COPB2: variants seen among roughly 807,000 people sequenced by gnomAD.
The protein encoded by COPB2 is coatomer subunit beta'.
Under a neutral mutation model 120.8 loss-of-function variants are expected in COPB2, and 16 were observed. That is an observed-to-expected ratio of 0.13 (90% CI 0.09 to 0.20). The LOEUF (loss-of-function observed/expected upper bound fraction) is 0.20, where lower values mean the gene tolerates loss of function less well. Ranked by LOEUF, COPB2 falls within the 10% of genes least tolerant of loss-of-function variation. COPB2 has a pLI of 1.00. For missense variants in COPB2, 794 were observed against 1,076.5 expected (o/e 0.74, Z 3.67); for synonymous variants, 332 against 366.3 (o/e 0.91, Z 1.07).
chr3:139,388,402 T>C (rs1164034187), intron 1 of COPB2: 3 of 129,546 alleles, frequency 2.3e-5, no homozygotes, highest in African/African-American at 8.1e-5. Flanking sequence ...GGTCCATGGA[T>C]TGTGGGGGGG....
In COPB2 at chr3:139,362,494, T is replaced by C. The variant is rs764014600; in HGVS notation, c.1908A>G (p.Thr636=). The change falls in exon 16 of 22, where the codon ACA becomes ACG. Residue 636 remains threonine (T), a synonymous_variant. Transcript: ENST00000333188. The part of the protein sequence containing the change: ...EKQGFKQQAL[T]VSTDPEHRFE... ...AACGATGCTCAGGATCTGTGGATAC[T>C]GTAAGAGCTTGCTGCTTGAAGCCCT... is the stretch of plus-strand genomic sequence containing the variant. 1.1e-5 allele frequency: 17 copies of C among 1,608,368 alleles called. No individual in the cohort carries two copies. The highest frequency in any genetic ancestry group is 1.4e-5 in the Non-Finnish European group (16 of 1,177,790).
chr3:139,373,952 C>A, intron 7 of COPB2, 144 bp from the exon 8 acceptor site: 1 of 842,104 alleles, frequency 1.2e-6, no homozygotes, highest in Non-Finnish European at 1.8e-6. Flanking sequence ...GACCTACTGT[C>A]TTTAAATGAT....
rs771723550 is a variant in COPB2, at chr3:139,369,241, A to G, written c.1401+20T>C. On this transcript the variant is annotated intron_variant, in intron 12 of 21. Transcript: ENST00000333188. ...CACAAAAATAAATATTCCAAAAACA[A>G]CAATGGAGGGGAAACTCACATGTTT... The G allele has an allele frequency of 3.8e-5, 61 of 1,586,484 alleles. No individual in the cohort carries two copies. The highest frequency in any genetic ancestry group is 5.3e-5 in the Admixed American group (3 of 57,138).
At position 139,358,999 on chromosome 3, in the gene COPB2, G is replaced by A. The variant is rs771858891; in HGVS notation, c.2483C>T (p.Thr828Met). The A allele has an allele frequency of 1.2e-5, 19 of 1,610,946 alleles. No homozygotes were observed. The highest frequency in any genetic ancestry group is 3.3e-5 in the South Asian group (3 of 90,564). Residue 828 changes from threonine (T) to methionine (M), a missense_variant and splice_region_variant, in exon 19 of 22, where the codon ACG (threonine) becomes ATG (methionine). Thr to Met is a moderately conservative substitution (Grantham distance 81, BLOSUM62 -1). Coordinates refer to ENST00000333188, the MANE Select transcript of COPB2 (RefSeq NM_004766.3). ...LWPAKQYPLV[T>M]PNEERNVMEE... ...AAGCTTGACATCCTGGCCACTCACC[G>A]TGACAAGTGGGTATTGTTTGGCTGG... is the stretch of plus-strand genomic sequence containing the variant.
intron 5 of COPB2, among the ~76,000 whole-genome samples, 156 bp downstream of exon 5, chr3:139,377,885 G>A (rs1206722862): frequency 1.3e-5 from 2 of 152,220 alleles, no homozygotes; most frequent in African/African-American, 2.4e-5. Flanking sequence ...AGAACATGTC[G>A]TTTGGATTAA....
rs540190067 is a variant in COPB2 at position 139,374,587 on chromosome 3, T to C, written c.653A>G (p.Asn218Ser). Residue 218 changes from asparagine to serine, a missense_variant and splice_region_variant, in exon 7 of 22, where the codon AAT (asparagine) becomes AGT (serine). Physicochemically the swap from Asn to Ser is conservative, Grantham distance 46. This residue lies in a region of COPB2 where 610 missense variants were observed against 866.7 expected (regional missense o/e 0.70). Transcript: ENST00000333188. Reference protein sequence around the residue: ...DRLVKIWDYQNKTCVQTLEGH... With the variant: ...DRLVKIWDYQSKTCVQTLEGH... ...TTCCAGTGTCTGCACACATGTTTTA[T>C]TCTGTAATTAAGACATAGAAAACAT... 1.2e-6 allele frequency: 2 copies of C among 1,611,760 alleles called. No homozygotes were observed. The highest frequency in any genetic ancestry group is 1.3e-5 in the African/African-American group (1 of 74,982).
Position 139,366,622 on chromosome 3 carries a change from A to C in COPB2, c.1830T>G (p.Leu610=), listed in dbSNP as rs771573984. The C allele has an allele frequency of 1.2e-6, 2 of 1,613,962 alleles. No homozygotes were observed. The highest frequency in any genetic ancestry group is 8.5e-7 in the Non-Finnish European group (1 of 1,179,978). ...TCCTCTGTTCTTTTGGAATGGTAGG[A>C]AGGACCTTATCAGCCATGCTAAAGT... ...RRDFSMADKV[L]PTIPKEQRTR... The change falls in exon 15 of 22, where the codon CTT becomes CTG. Residue 610 remains leucine, a synonymous_variant. Transcript: ENST00000333188.
intron 1 of COPB2, chr3:139,385,489 C>G (rs1197216921): frequency 1.3e-5 from 2 of 151,984 alleles, no homozygotes; most frequent in Non-Finnish European, 2.9e-5. Flanking sequence ...TTTATCTTGT[C>G]AAAAATACTA....
intron 17 of COPB2, 93 bp from the exon 18 acceptor site, chr3:139,359,455 A>C: frequency 2.7e-6 from 3 of 1,111,324 alleles, no homozygotes; most frequent in Non-Finnish European, 4.0e-6. Flanking sequence ...ACAAAGCCAA[A>C]AATCTCCCCA....
intron 1 of COPB2, among the ~76,000 whole-genome samples, chr3:139,383,844 T>G (rs1037721433): frequency 6.6e-6 from 1 of 152,184 alleles, no homozygotes; most frequent in Admixed American, 6.5e-5. Context: ...TAAAATAACA[T>G]GTTTTTATGA....
intron 6 of COPB2, 87 bp downstream of exon 6, chr3:139,375,381 T>C: frequency 7.2e-7 from 1 of 1,382,770 alleles, no homozygotes; most frequent in Admixed American, 2.2e-5. Flanking sequence ...CTGTGAACAG[T>C]TTTCAACAAC....
Position 139,369,283 on chromosome 3 carries a change from C to T in COPB2, c.1379G>A (p.Arg460Lys). The T allele has an allele frequency of 6.2e-7, 1 of 1,607,950 alleles. No individual in the cohort carries two copies. The highest frequency in any genetic ancestry group is 8.5e-7 in the Non-Finnish European group (1 of 1,177,124). The change falls in exon 12 of 22, where the codon AGA becomes AAA. Residue 460 changes from arginine (R) to lysine (K), a missense_variant. This residue lies in a region of COPB2 where 610 missense variants were observed against 866.7 expected (regional missense o/e 0.70). Transcript: ENST00000333188. ...CACATGTTTGGGCTGAATTTCAATT[C>T]TTCGTATGAGTTCTGTATTGTCCCA... ...YDWDNTELIRRIEIQPKHIFW... is the reference protein window; with the variant it reads ...YDWDNTELIRKIEIQPKHIFW...
At chr3:139,385,970 T>C (rs1941911880) in intron 1 of COPB2, among the ~76,000 whole-genome samples, 1 of 152,338 alleles carries the variant, frequency 6.6e-6, no homozygotes. Context: ...ATGATGATCA[T>C]GAATGGGACA....
intron 12 of COPB2, 65 bp from the exon 13 acceptor site, chr3:139,368,353 T>C (rs1461756725): frequency 6.7e-7 from 1 of 1,487,670 alleles, no homozygotes; most frequent in East Asian, 2.4e-5. Flanking sequence ...AAACTGCACA[T>C]ACTTGGTTTC....
chr3:139,370,804 G>A (rs1172810408), intron 10 of COPB2, among the ~76,000 whole-genome samples: 5 of 152,194 alleles, frequency 3.3e-5, no homozygotes. Flanking sequence ...TGTGCTGAGA[G>A]AAGGCAATTC....
In COPB2 at chr3:139,357,573, A is replaced by G. The variant is rs1941312966; in HGVS notation, c.*290T>C. The G allele has an allele frequency of 7.9e-6, 2 of 252,134 alleles. No homozygotes were observed. Among genetic ancestry groups the G allele is most frequent in the African/African-American group, 2.2e-5 (1 of 45,208 alleles). The allele number at this position is 252,134 out of a possible 1,614,324, so 15.6% of individuals were successfully genotyped here. Reference sequence around the variant, plus strand: ...AGAAGCCTATTTTCATTATTGAGAAAGGAAACAAGTACCTTCATTAATTCA... The same window carrying G: ...AGAAGCCTATTTTCATTATTGAGAAGGGAAACAAGTACCTTCATTAATTCA... On this transcript the variant is annotated 3_prime_UTR_variant, in exon 22 of 22. Coordinates refer to ENST00000333188, the MANE Select transcript of COPB2 (RefSeq NM_004766.3).
intron 2 of COPB2, chr3:139,379,930 A>G (rs1210717369): frequency 6.5e-6 from 1 of 155,034 alleles, no homozygotes; most frequent in African/African-American, 2.4e-5. Flanking sequence ...AGGATAGAAC[A>G]GTGGCTGGCA....
At chr3:139,371,956 C>A in intron 9 of COPB2, 123 bp from the exon 10 acceptor site, 2 of 661,232 alleles carry the variant, frequency 3.0e-6, no homozygotes, top group East Asian at 2.9e-5. Context: ...TTCATTATTA[C>A]AATTTAACAT....
At chr3:139,363,331 T>C (rs556867722) in intron 15 of COPB2, among the ~76,000 whole-genome samples, 2 of 152,204 alleles carry the variant, frequency 1.3e-5, no homozygotes, top group African/African-American at 2.4e-5. Flanking sequence ...ACTCCGCCTG[T>C]AACGGCATTA....
Sources: allele counts gnomAD v4.1 joint callset (sites outside exome capture counted in the v4.1 genomes callset), GRCh38; gene constraint gnomAD v4.1.1; regional missense constraint gnomAD v4.1.1; transcripts MANE v1.5; gene names NCBI Gene and HGNC (gene_info 2026-07-23, HGNC 2026-07-21).